The following RIMS2 variants were observed in gnomAD, a reference collection of about 807,000 sequenced individuals.
The protein encoded by RIMS2 is regulating synaptic membrane exocytosis 2, also known as regulating synaptic membrane exocytosis protein 2.
A neutral mutation model predicts 174.4 loss-of-function variants in RIMS2; 59 were observed. The observed-to-expected ratio is 0.34, with a 90% confidence interval of 0.27 to 0.42. The LOEUF is 0.42. Ranked by LOEUF, RIMS2 falls within the 10% of genes least tolerant of loss-of-function variation. RIMS2 has a pLI of 1.00. For missense variants in RIMS2, 1,620 were observed against 1,666.3 expected, an observed-to-expected ratio of 0.97 and a Z score of 0.48; for synonymous variants, 606 against 572.5, an observed-to-expected ratio of 1.06 and a Z score of -0.84.
chr8:103,604,472 G>A (rs1461568703), intron 1 of RIMS2, among the ~76,000 whole-genome samples: 9 of 152,102 alleles, frequency 5.9e-5, no homozygotes, highest in Non-Finnish European at 1.2e-4. Flanking sequence ...GGATTGACTT[G>A]GCAACGCGGG....
chr8:104,154,381 C>G (rs1285444129), intron 19 of RIMS2, among the ~76,000 whole-genome samples: 1 of 152,182 alleles, frequency 6.6e-6, no homozygotes, highest in East Asian at 1.9e-4. Context: ...TAGCGCTAGT[C>G]ACATGTGGCC....
At chr8:104,072,272 T>A (rs968551112) in intron 19 of RIMS2, among the ~76,000 whole-genome samples, 1 of 152,178 alleles carries the variant, frequency 6.6e-6, no homozygotes, top group Non-Finnish European at 1.5e-5. Context: ...TAGATTAAAA[T>A]TTTCAACATC....
At chr8:103,665,288 A>G (rs2096654885) in intron 1 of RIMS2, among the ~76,000 whole-genome samples, 2 of 152,226 alleles carry the variant, frequency 1.3e-5, no homozygotes, top group Non-Finnish European at 2.9e-5. Context: ...AAAAATGTGT[A>G]TTAGAGATTC....
intron 15 of RIMS2, 42 bp from the exon 18 acceptor site, chr8:103,975,308 G>C (rs1428219348): frequency 7.0e-7 from 1 of 1,435,758 alleles, no homozygotes; most frequent in Non-Finnish European, 9.7e-7. Flanking sequence ...AAAGGACTTT[G>C]TACATACATA....
intron 10 of RIMS2, among the ~76,000 whole-genome samples, chr8:103,922,495 G>T (rs1243877003): frequency 2.0e-5 from 3 of 151,686 alleles, no homozygotes. Context: ...TTAAAATAGT[G>T]AAATAATAAA....
chr8:103,992,417 C>T (rs761340165), intron 17 of RIMS2, among the ~76,000 whole-genome samples: 1 of 151,712 alleles, frequency 6.6e-6, no homozygotes, highest in Non-Finnish European at 1.5e-5. Context: ...TGAGCCACCG[C>T]GCCTGGCCCA....
At chr8:104,218,636 T>TG (rs1224048968) in intron 19 of RIMS2, among the ~76,000 whole-genome samples, 1 of 152,066 alleles carries the variant, frequency 6.6e-6, no homozygotes, top group African/African-American at 2.4e-5. Flanking sequence ...CTCGGGGTGA[T>TG]GGGAGACAGT....
intron 1 of RIMS2, among the ~76,000 whole-genome samples, chr8:103,587,467 A>C (rs757701026): frequency 0.021 from 1,520 of 72,544 alleles, 25 homozygotes; most frequent in Middle Eastern, 0.03. Context: ...AAAGAAAGAA[A>C]GAAACTATGC....
rs193108539 is a variant in RIMS2 at position 103,629,165 on chromosome 8, G to A, written c.177-67921G>A. On this transcript the variant is annotated intron_variant, in intron 1 of 23. Transcript: ENST00000504942. ...ACTCAACTGGGTGCTGCAGCCAACAGATTGTGGATAGACCCTCTCCTCCAT... is the reference window on the plus strand; with the variant it reads ...ACTCAACTGGGTGCTGCAGCCAACAAATTGTGGATAGACCCTCTCCTCCAT... Among the ~76,000 whole-genome samples the A allele has an allele frequency of 3.3e-5, 5 of 152,294 alleles. No individual in the cohort carries two copies. In the South Asian group the frequency reaches 8.3e-4, roughly 25 times the overall value.
At chr8:104,015,914 A>C (rs1053888144) in intron 19 of RIMS2, among the ~76,000 whole-genome samples, 4 of 152,068 alleles carry the variant, frequency 2.6e-5, no homozygotes, top group Non-Finnish European at 5.9e-5. Context: ...AAGTTGTTGA[A>C]TTAGAAAGTG....
At chr8:103,564,609 A>G (rs112870258) in intron 1 of RIMS2, among the ~76,000 whole-genome samples, 14 of 152,182 alleles carry the variant, frequency 9.2e-5, no homozygotes, top group Admixed American at 1.3e-4. Context: ...AAGAACTTGG[A>G]GTCCAGTGTT....
chr8:103,996,995 G>A (rs2095142631), intron 17 of RIMS2, among the ~76,000 whole-genome samples: 2 of 151,740 alleles, frequency 1.3e-5, no homozygotes, highest in South Asian at 2.1e-4. Context: ...AATACCAAAC[G>A]TAAGTGGAGT....
At chr8:103,900,063 T>C (rs2099319144) in intron 4 of RIMS2, among the ~76,000 whole-genome samples, 1 of 151,744 alleles carries the variant, frequency 6.6e-6, no homozygotes, top group African/African-American at 2.4e-5. Context: ...GGCTCTGTTC[T>C]GTTCCATTGG....
At chr8:104,093,408 C>G (rs1273149339) in intron 19 of RIMS2, 63 bp from the exon 24 acceptor site, 3 of 1,146,116 alleles carry the variant, frequency 2.6e-6, no homozygotes, top group Non-Finnish European at 3.6e-6. Flanking sequence ...TAGGAGAAAG[C>G]TAATAATTGC....
intron 19 of RIMS2, among the ~76,000 whole-genome samples, chr8:104,034,893 T>C (rs998839516): frequency 1.3e-5 from 2 of 152,196 alleles, no homozygotes; most frequent in Non-Finnish European, 2.9e-5. Context: ...ATTAGAAATG[T>C]TTATGAGAAA....
intron 1 of RIMS2, among the ~76,000 whole-genome samples, chr8:103,615,872 A>T (rs183908227): frequency 6.6e-6 from 1 of 152,216 alleles, no homozygotes; most frequent in Non-Finnish European, 1.5e-5. Flanking sequence ...AAATTGAATC[A>T]GTAGTAAGTA....
chr8:103,883,018 A>T (rs2099176109), intron 3 of RIMS2, among the ~76,000 whole-genome samples: 1 of 151,638 alleles, frequency 6.6e-6, no homozygotes, highest in Admixed American at 6.6e-5. Context: ...TAGGCTTATT[A>T]ACTTGATGAA....
chr8:103,500,887 A>G (rs1355388084), exon 1 of RIMS2: 8 of 1,588,430 alleles, frequency 5.0e-6, no homozygotes, highest in African/African-American at 1.4e-5. Context: ...TCCACCAAAC[A>G]TGTCGGCTCC....
At chr8:104,196,821 A>C in intron 19 of RIMS2, among the ~76,000 whole-genome samples, 1 of 152,194 alleles carries the variant, frequency 6.6e-6, no homozygotes, top group East Asian at 1.9e-4. Flanking sequence ...TAAAGTTTTA[A>C]GTTGCAAAAA....
Sources: allele counts gnomAD v4.1 joint callset (sites outside exome capture counted in the v4.1 genomes callset), GRCh38; gene constraint gnomAD v4.1.1; transcripts MANE v1.5; gene names NCBI Gene and HGNC (gene_info 2026-07-23, HGNC 2026-07-21).